TXLNB: variants seen among roughly 807,000 people sequenced by gnomAD.
The protein encoded by TXLNB is beta-taxilin.
TXLNB carries 37 observed loss-of-function variants against 57.4 expected under a neutral mutation model. The observed-to-expected ratio is 0.64, with a 90% confidence interval of 0.50 to 0.85. TXLNB has a LOEUF of 0.85. TXLNB is among the 40% of genes least tolerant of loss of function. TXLNB has a pLI of 0.00. For synonymous variants in TXLNB, 302 were observed against 309.6 expected (o/e 0.98, Z 0.26); for missense variants, 848 against 825.6 (o/e 1.03, Z -0.33).
chr6:139,224,094 C>T, the TXLNB span, among the ~76,000 whole-genome samples: 1,701 of 147,140 alleles, frequency 0.012, 22 homozygotes, highest in African/African-American at 0.04. Context: ...GGCACATATA[C>T]ACCATGGAAT....
intron 1 of TXLNB, among the ~76,000 whole-genome samples, chr6:139,291,126 T>C (rs1367756242): frequency 6.6e-6 from 1 of 152,144 alleles, no homozygotes; most frequent in Admixed American, 6.5e-5. Flanking sequence ...AACTTAGGCC[T>C]CCCCTGAACA....
At chr6:139,272,158 T>C (rs1776781431) in intron 3 of TXLNB, among the ~76,000 whole-genome samples, 1 of 151,800 alleles carries the variant, frequency 6.6e-6, no homozygotes, top group African/African-American at 2.4e-5. Context: ...AATACATAAA[T>C]TAGCCGGGCG....
At chr6:139,285,667 A>G (rs1777155721) in intron 2 of TXLNB, among the ~76,000 whole-genome samples, 1 of 145,132 alleles carries the variant, frequency 6.9e-6, no homozygotes, top group South Asian at 2.3e-4. Flanking sequence ...CATTGTAGCA[A>G]TGGGTTTTAG....
the TXLNB span, among the ~76,000 whole-genome samples, chr6:139,208,270 C>T: frequency 6.6e-6 from 1 of 151,990 alleles, no homozygotes; most frequent in Non-Finnish European, 1.5e-5. Flanking sequence ...CTAAACAGAC[C>T]AATAGCAAGC....
downstream of TXLNB, chr6:139,239,713 G>GCAC (rs1775880653): frequency 6.6e-6 from 1 of 152,148 alleles, no homozygotes; most frequent in African/African-American, 2.4e-5. The surrounding 1 kb of genome is among the most constrained non-coding windows in gnomAD (Gnocchi z 4.7). Flanking sequence ...GCCCAGGCTG[G>GCAC]TCTTGAACTC....
At chr6:139,307,080 C>T in the TXLNB span, among the ~76,000 whole-genome samples, 1 of 152,072 alleles carries the variant, frequency 6.6e-6, no homozygotes, top group Non-Finnish European at 1.5e-5. Flanking sequence ...ACATTGTTGC[C>T]ATCTATACTT....
intron 6 of TXLNB, among the ~76,000 whole-genome samples, chr6:139,258,327 A>G (rs141518486): frequency 1.8e-3 from 268 of 152,086 alleles, no homozygotes; most frequent in African/African-American, 6.2e-3. Context: ...TTTCTCTTTC[A>G]TGTCTCGTGT....
the TXLNB span, chr6:139,200,032 C>T: frequency 6.6e-6 from 1 of 152,192 alleles, no homozygotes; most frequent in African/African-American, 2.4e-5. Flanking sequence ...TAGGTAGCTC[C>T]AGCCAGTAGC....
At chr6:139,251,545 T>A (rs1173164694) in intron 7 of TXLNB, 1 of 152,238 alleles carries the variant, frequency 6.6e-6, no homozygotes, top group Non-Finnish European at 1.5e-5. Context: ...TTTGGTTTCA[T>A]GTGTCATATT....
At chr6:139,210,195 A>C in the TXLNB span, among the ~76,000 whole-genome samples, 4 of 151,810 alleles carry the variant, frequency 2.6e-5, no homozygotes, top group Non-Finnish European at 5.9e-5. Context: ...CCATAAATAA[A>C]AAATTTAAAA....
chr6:139,264,611 G>A (rs893651430), intron 4 of TXLNB, among the ~76,000 whole-genome samples: 1 of 152,148 alleles, frequency 6.6e-6, no homozygotes, highest in African/African-American at 2.4e-5. Flanking sequence ...CCAGGCTGGA[G>A]TGCAGTGGCA....
the TXLNB span, among the ~76,000 whole-genome samples, chr6:139,323,418 G>A: frequency 6.6e-6 from 1 of 151,964 alleles, no homozygotes; most frequent in Non-Finnish European, 1.5e-5. Context: ...GAGTAACTGG[G>A]ACTACAGGTG....
the TXLNB span, among the ~76,000 whole-genome samples, chr6:139,182,048 T>C: frequency 6.6e-6 from 1 of 152,372 alleles, no homozygotes; most frequent in Admixed American, 6.5e-5. Context: ...CAAAGAAGTC[T>C]AATTGAACGT....
intron 9 of TXLNB, 101 bp from the exon 10 acceptor site, chr6:139,243,415 A>C: frequency 3.1e-6 from 4 of 1,299,490 alleles, no homozygotes; most frequent in Non-Finnish European, 3.1e-6. Flanking sequence ...TATTTGTCCC[A>C]GAATTTGTCT....
At chr6:139,257,387 T>G (rs1776371680) in intron 6 of TXLNB, among the ~76,000 whole-genome samples, 1 of 152,330 alleles carries the variant, frequency 6.6e-6, no homozygotes, top group African/African-American at 2.4e-5. Context: ...GCACAAACAG[T>G]TTTTTGTTTT....
chr6:139,167,076 A>C, the TXLNB span: 4 of 1,614,152 alleles, frequency 2.5e-6, no homozygotes, highest in Non-Finnish European at 3.4e-6. Flanking sequence ...CTCCTCACTC[A>C]CATCCCCAGG....
the TXLNB span, among the ~76,000 whole-genome samples, chr6:139,321,542 CT>C: frequency 0.016 from 2,136 of 131,360 alleles, 25 homozygotes; most frequent in African/African-American, 0.034. Context: ...CTGAGCTCTC[CT>C]TTTTTTTTTT....
At chr6:139,298,191 A>G in the TXLNB span, among the ~76,000 whole-genome samples, 1 of 152,236 alleles carries the variant, frequency 6.6e-6, no homozygotes, top group East Asian at 1.9e-4. Context: ...ACTTGCATAA[A>G]TAAAATAAAT....
At chr6:139,238,875 T>C (rs1299936037), downstream of TXLNB, among the ~76,000 whole-genome samples, 1 of 152,224 alleles carries the variant, frequency 6.6e-6, no homozygotes, top group African/African-American at 2.4e-5. Context: ...TCCCAAATAC[T>C]GGATTTAACT....
Sources: allele counts gnomAD v4.1 joint callset (sites outside exome capture counted in the v4.1 genomes callset), GRCh38; gene constraint gnomAD v4.1.1; non-coding constraint Gnocchi (gnomAD v3.1); transcripts MANE v1.5; gene names NCBI Gene and HGNC (gene_info 2026-07-23, HGNC 2026-07-21).